TBC1D4: variants seen among roughly 807,000 people sequenced by gnomAD.
TBC1D4 encodes TBC1 domain family member 4, also known as TBC (Tre-2, BUB2, CDC16) domain-containing protein.
A neutral mutation model predicts 142.5 loss-of-function variants in TBC1D4; 121 were observed. That is an observed-to-expected ratio of 0.85 (90% CI 0.73 to 0.99). The LOEUF is 0.99. TBC1D4 is among the 50% of genes least tolerant of loss of function. The pLI is 0.00. For missense variants in TBC1D4, 1,475 were observed against 1,606.6 expected (o/e 0.92, Z 1.40); for synonymous variants, 630 against 628.2 (o/e 1.00, Z -0.04).
At chr13:75,397,341 G>A (rs934296112) in intron 1 of TBC1D4, among the ~76,000 whole-genome samples, 4 of 152,082 alleles carry the variant, frequency 2.6e-5, no homozygotes, top group Non-Finnish European at 5.9e-5. Context: ...ACGATGTGAT[G>A]ATATCAATTT....
intron 7 of TBC1D4, among the ~76,000 whole-genome samples, chr13:75,337,970 G>C (rs558444239): frequency 6.6e-6 from 1 of 152,178 alleles, no homozygotes; most frequent in Non-Finnish European, 1.5e-5. Flanking sequence ...GCAGTAGAAG[G>C]TAACACGAGA....
At chr13:75,359,713 T>C (rs1487321289) in intron 3 of TBC1D4, 56 bp downstream of exon 3, 2 of 1,382,110 alleles carry the variant, frequency 1.4e-6, no homozygotes, top group South Asian at 1.2e-5. Flanking sequence ...TATTTTATTG[T>C]TAATTCTGAA....
chr13:75,364,596 C>T (rs921471789), intron 1 of TBC1D4, among the ~76,000 whole-genome samples: 1 of 152,220 alleles, frequency 6.6e-6, no homozygotes, highest in African/African-American at 2.4e-5. Context: ...TGTGATTTAC[C>T]TTACCTGGCA....
chr13:75,350,398 A>G (rs897962846), intron 4 of TBC1D4, among the ~76,000 whole-genome samples: 6 of 152,222 alleles, frequency 3.9e-5, no homozygotes, highest in Non-Finnish European at 8.8e-5. Context: ...GAAAGAAGAG[A>G]TCAAACACCA....
rs369195342 is a variant in TBC1D4, at chr13:75,309,930, A to T, written c.2593+12T>A. 79 of 1,613,798 alleles carry T rather than the reference A, an allele frequency of 4.9e-5. No homozygotes were observed. The African/African-American group carries it at 1.0e-3, about 20-fold the overall frequency. ...ATAGCATCATAGCATTTAGTCTGTT[A>T]AAATGGCTAACCTTCAAGTTTCTGG... On this transcript the variant is annotated intron_variant, in intron 14 of 20. Coordinates refer to ENST00000377636, the MANE Select transcript of TBC1D4 (RefSeq NM_014832.5).
At chr13:75,290,163 T>C (rs1314591554) in intron 19 of TBC1D4, among the ~76,000 whole-genome samples, 8 of 152,114 alleles carry the variant, frequency 5.3e-5, no homozygotes, top group Non-Finnish European at 8.8e-5. Context: ...ATTTCATTTA[T>C]GTACAACTTT....
At chr13:75,476,577 T>A (rs1888638030) in intron 1 of TBC1D4, among the ~76,000 whole-genome samples, 1 of 152,230 alleles carries the variant, frequency 6.6e-6, no homozygotes, top group African/African-American at 2.4e-5. Flanking sequence ...CAGAATAATG[T>A]CTATATCAGG....
At chr13:75,288,876 G>T (rs1056399786) in intron 20 of TBC1D4, 58 bp downstream of exon 20, 18 of 1,554,890 alleles carry the variant, frequency 1.2e-5, no homozygotes, top group Middle Eastern at 2.0e-4. Context: ...TCCTGAGGTA[G>T]TTCTGTGCAT....
At chr13:75,402,592 T>G (rs1885145845) in intron 1 of TBC1D4, among the ~76,000 whole-genome samples, 1 of 151,374 alleles carries the variant, frequency 6.6e-6, no homozygotes, top group African/African-American at 2.4e-5. Flanking sequence ...ACATTTTACT[T>G]GGTACATACA....
chr13:75,314,539 C>T (rs1408366709), intron 12 of TBC1D4, among the ~76,000 whole-genome samples: 1 of 152,156 alleles, frequency 6.6e-6, no homozygotes, highest in Non-Finnish European at 1.5e-5. Context: ...AGCTGCTATG[C>T]AGAGAGTAAG....
chr13:75,329,562 T>C (rs1879574484), intron 8 of TBC1D4, among the ~76,000 whole-genome samples: 1 of 152,074 alleles, frequency 6.6e-6, no homozygotes, highest in African/African-American at 2.4e-5. Flanking sequence ...TTTCCTTCAC[T>C]ATCAACCTAG....
At chr13:75,357,384 G>A (rs1882137776) in intron 3 of TBC1D4, among the ~76,000 whole-genome samples, 1 of 152,100 alleles carries the variant, frequency 6.6e-6, no homozygotes, top group Non-Finnish European at 1.5e-5. Context: ...GTGACTACCA[G>A]CCCCCCATAT....
intron 1 of TBC1D4, among the ~76,000 whole-genome samples, chr13:75,440,652 C>T (rs1459052959): frequency 6.6e-6 from 1 of 151,824 alleles, no homozygotes; most frequent in Non-Finnish European, 1.5e-5. Context: ...CTCCTAGGCT[C>T]AAGGGATCCC....
chr13:75,341,057 C>CA, intron 7 of TBC1D4, 68 bp downstream of exon 7: 1 of 1,432,212 alleles, frequency 7.0e-7, no homozygotes, highest in Non-Finnish European at 9.8e-7. Context: ...CCTGAGAGTA[C>CA]AAAGGGAAGA....
intron 1 of TBC1D4, among the ~76,000 whole-genome samples, chr13:75,370,583 G>A (rs187237084): frequency 2.2e-4 from 33 of 152,290 alleles, no homozygotes; most frequent in African/African-American, 7.5e-4. Context: ...TCCAGGAGAA[G>A]GAGAGCAGGC....
chr13:75,409,638 G>C (rs1885507538), intron 1 of TBC1D4, among the ~76,000 whole-genome samples: 1 of 152,190 alleles, frequency 6.6e-6, no homozygotes, highest in Admixed American at 6.5e-5. Context: ...AAACTTCACA[G>C]TAAAATACAC....
chr13:75,470,283 T>A (rs1399955055), intron 1 of TBC1D4, among the ~76,000 whole-genome samples: 1 of 152,066 alleles, frequency 6.6e-6, no homozygotes, highest in African/African-American at 2.4e-5. Context: ...TATGAACAAA[T>A]GAGCTGGGCT....
At chr13:75,379,369 G>A (rs1262193121) in intron 1 of TBC1D4, among the ~76,000 whole-genome samples, 1 of 152,064 alleles carries the variant, frequency 6.6e-6, no homozygotes, top group African/African-American at 2.4e-5. Flanking sequence ...ATGTATGACA[G>A]TATATTCATT....
intron 14 of TBC1D4, among the ~76,000 whole-genome samples, chr13:75,308,116 A>C (rs1418550849): frequency 1.3e-5 from 2 of 152,214 alleles, no homozygotes; most frequent in Non-Finnish European, 2.9e-5. Context: ...TAACTAGAAA[A>C]GACTAAAGAA....
Sources: allele counts gnomAD v4.1 joint callset (sites outside exome capture counted in the v4.1 genomes callset), GRCh38; gene constraint gnomAD v4.1.1; transcripts MANE v1.5; gene names NCBI Gene and HGNC (gene_info 2026-07-23, HGNC 2026-07-21).